The following TMEM117 variants were observed in gnomAD, a reference collection of about 807,000 sequenced individuals.
TMEM117 encodes the protein transmembrane protein 117.
A neutral mutation model predicts 52.4 loss-of-function variants in TMEM117; 27 were observed. That is an observed-to-expected ratio of 0.51 (90% CI 0.38 to 0.71). The LOEUF (loss-of-function observed/expected upper bound fraction) is 0.71, where lower values mean the gene tolerates loss of function less well. Among genes scored for constraint, TMEM117 ranks in the 30% least tolerant of loss-of-function variants. TMEM117 has a pLI of 0.00. For synonymous variants in TMEM117, 215 were observed against 206.3 expected (o/e 1.04, Z -0.36); for missense variants, 556 against 630.5 (o/e 0.88, Z 1.26).
chr12:44,126,261 G>A (rs1948322981), intron 3 of TMEM117, among the ~76,000 whole-genome samples: 1 of 152,174 alleles, frequency 6.6e-6, no homozygotes. Context: ...GAAACTGTTA[G>A]ATTTTTGCAG....
chr12:43,931,422 A>G (rs1174117153), intron 2 of TMEM117, among the ~76,000 whole-genome samples: 1 of 152,208 alleles, frequency 6.6e-6, no homozygotes, highest in African/African-American at 2.4e-5. Flanking sequence ...ACACACAAAG[A>G]TGCAGTAAAA....
intron 3 of TMEM117, among the ~76,000 whole-genome samples, chr12:44,020,087 A>G (rs1001288119): frequency 6.6e-6 from 1 of 152,216 alleles, no homozygotes; most frequent in Non-Finnish European, 1.5e-5. Flanking sequence ...TTAAAAATAA[A>G]TTTTAAATTC....
chr12:43,820,810 A>G, the TMEM117 span, among the ~76,000 whole-genome samples: 7 of 152,022 alleles, frequency 4.6e-5, no homozygotes, highest in South Asian at 4.1e-4. Context: ...TTCTATAAGA[A>G]GCATAAAGTG....
chr12:43,944,380 A>G (rs1226821201), intron 3 of TMEM117, 38 bp downstream of exon 3: 1 of 1,575,506 alleles, frequency 6.3e-7, no homozygotes. Flanking sequence ...GGTGAGTGTT[A>G]TGTTTGAAAC....
intron 5 of TMEM117, among the ~76,000 whole-genome samples, chr12:44,293,618 G>C (rs1158420983): frequency 1.3e-5 from 2 of 151,914 alleles, no homozygotes; most frequent in Non-Finnish European, 2.9e-5. Flanking sequence ...AATGAGGCTT[G>C]CGTAAAAGAT....
At chr12:43,870,923 T>TA (rs1344959910) in intron 2 of TMEM117, among the ~76,000 whole-genome samples, 6 of 151,684 alleles carry the variant, frequency 4.0e-5, no homozygotes, top group Non-Finnish European at 8.8e-5. Flanking sequence ...TAGCTGAGAT[T>TA]ACAGGCACCT....
chr12:44,246,243 T>G (rs1950128065), intron 5 of TMEM117, among the ~76,000 whole-genome samples: 1 of 152,186 alleles, frequency 6.6e-6, no homozygotes, highest in Non-Finnish European at 1.5e-5. Context: ...AACATTTAGT[T>G]TTCCCTCCCT....
intron 4 of TMEM117, among the ~76,000 whole-genome samples, chr12:44,189,039 A>G (rs1261325678): frequency 2.6e-5 from 4 of 152,110 alleles, no homozygotes; most frequent in Non-Finnish European, 5.9e-5. Flanking sequence ...ATACCACCTT[A>G]AATATTTATC....
chr12:44,070,502 G>A lies in TMEM117; in HGVS notation c.411-73023G>A, dbSNP rs536153998. Among the ~76,000 whole-genome samples the A allele has an allele frequency of 2.2e-4, 33 of 152,332 alleles. 1 individual carries two copies. In the Middle Eastern group the frequency reaches 0.01, roughly 47 times the overall value. Reference sequence around the variant, plus strand: ...TTGGGTCAGTCAACCTGCAGTGTCTGACAGTCATGATTCATGATACCTGTT... The same window carrying A: ...TTGGGTCAGTCAACCTGCAGTGTCTAACAGTCATGATTCATGATACCTGTT... On this transcript the variant is annotated intron_variant, in intron 3 of 7. Transcript: ENST00000266534.
chr12:43,926,708 A>G lies in TMEM117; in HGVS notation c.278-17502A>G, dbSNP rs532898447. 1.6e-3 allele frequency among the ~76,000 whole-genome samples: 237 copies of G among 152,220 alleles called. 1 individual carries two copies. Among genetic ancestry groups the G allele is most frequent in the African/African-American group, 5.5e-3 (227 of 41,554 alleles). On this transcript the variant is annotated intron_variant, in intron 2 of 7. Transcript: ENST00000266534. ...AGTAATAGAATAACTCAGGTTTCAT[A>G]CTTCTTTAATCATTTTGGCAAATAA...
chr12:44,377,128 C>T (rs1159934222), intron 7 of TMEM117, among the ~76,000 whole-genome samples: 1 of 152,158 alleles, frequency 6.6e-6, no homozygotes, highest in Non-Finnish European at 1.5e-5. Context: ...TGAGCAGCCA[C>T]TTCTGGTGTC....
At chr12:44,067,043 G>T (rs1009179546) in intron 3 of TMEM117, among the ~76,000 whole-genome samples, 2 of 152,112 alleles carry the variant, frequency 1.3e-5, no homozygotes, top group East Asian at 1.9e-4. Flanking sequence ...CCAGGAGTAG[G>T]TTCCATCTCA....
At position 43,952,072 on chromosome 12, in the gene TMEM117, CAG is replaced by C. The variant is rs538574344; in HGVS notation, c.410+7732_410+7733del. Among the ~76,000 whole-genome samples, 418 of 152,226 alleles carry C rather than the reference CAG, an allele frequency of 2.7e-3. 5 individuals carry two copies. The highest frequency in any genetic ancestry group is 8.8e-4 in the Non-Finnish European group (60 of 68,012). ...GCCTGACTGTTAGAAGACAAACAAA[CAG>C]AAAGCAACAATAACAACAGCAACAA... On this transcript the variant is annotated intron_variant, in intron 3 of 7. Coordinates refer to ENST00000266534, the MANE Select transcript of TMEM117 (RefSeq NM_032256.3).
At chr12:43,813,379 G>A in the TMEM117 span, among the ~76,000 whole-genome samples, 1 of 151,524 alleles carries the variant, frequency 6.6e-6, no homozygotes, top group Non-Finnish European at 1.5e-5. Flanking sequence ...CAGTAGCTGG[G>A]ATTACAGGCG....
intron 3 of TMEM117, among the ~76,000 whole-genome samples, chr12:44,092,310 C>T (rs985475683): frequency 7.2e-5 from 11 of 152,092 alleles, no homozygotes; most frequent in Admixed American, 3.9e-4. Flanking sequence ...AGCATATTTC[C>T]AGTCACATCC....
intron 5 of TMEM117, among the ~76,000 whole-genome samples, chr12:44,216,817 C>T (rs546616312): frequency 8.8e-4 from 134 of 152,194 alleles, no homozygotes; most frequent in Non-Finnish European, 1.6e-3. Context: ...ACATAAAATC[C>T]TATGGAAATC....
chr12:44,211,149 C>A (rs995552155), intron 4 of TMEM117, 141 bp from the exon 5 acceptor site: 2 of 639,514 alleles, frequency 3.1e-6, no homozygotes, highest in Admixed American at 3.3e-5. Flanking sequence ...TGAAGTATAT[C>A]CTAATTTTTG....
intron 6 of TMEM117, among the ~76,000 whole-genome samples, chr12:44,305,562 C>G (rs1012713108): frequency 1.3e-5 from 2 of 151,146 alleles, no homozygotes; most frequent in Non-Finnish European, 1.5e-5. Context: ...AAATGCTCAT[C>G]ATCACTAATC....
intron 6 of TMEM117, among the ~76,000 whole-genome samples, chr12:44,350,658 G>A (rs1344524824): frequency 1.3e-5 from 2 of 151,844 alleles, no homozygotes; most frequent in African/African-American, 4.8e-5. Flanking sequence ...TTAACATAAT[G>A]ACCCCCAGTT....
Sources: allele counts gnomAD v4.1 joint callset (sites outside exome capture counted in the v4.1 genomes callset), GRCh38; gene constraint gnomAD v4.1.1; transcripts MANE v1.5; gene names NCBI Gene and HGNC (gene_info 2026-07-23, HGNC 2026-07-21).